The following STK32B variants were observed in gnomAD, a reference collection of about 807,000 sequenced individuals.
STK32B encodes serine/threonine-protein kinase 32B.
Under a neutral mutation model 52.6 loss-of-function variants are expected in STK32B, and 43 were observed. That is an observed-to-expected ratio of 0.82 (90% CI 0.64 to 1.05). STK32B has a LOEUF of 1.05. STK32B is among the 50% of genes least tolerant of loss of function. STK32B has a pLI of 0.00. For missense variants in STK32B, 621 were observed against 534.6 expected (o/e 1.16, Z -1.59); for synonymous variants, 238 against 204.3 (o/e 1.17, Z -1.41).
intron 3 of STK32B, among the ~76,000 whole-genome samples, chr4:5,238,458 C>G (rs914167277): frequency 6.6e-6 from 1 of 152,224 alleles, no homozygotes; most frequent in South Asian, 2.1e-4. Context: ...AGATCCTTAA[C>G]TTAATTCCAT....
chr4:5,402,024 C>G (rs1391347360), intron 5 of STK32B, among the ~76,000 whole-genome samples: 1 of 152,234 alleles, frequency 6.6e-6, no homozygotes, highest in East Asian at 1.9e-4. Context: ...TGACTCAGCC[C>G]TGCTCCTTGA....
chr4:5,446,526 C>T, intron 6 of STK32B, 147 bp from the exon 7 acceptor site: 1 of 636,716 alleles, frequency 1.6e-6, no homozygotes, highest in Non-Finnish European at 2.7e-6. Context: ...CATTATGTGC[C>T]AGCCTGGGCA....
At chr4:5,117,373 T>C (rs999550293) in intron 1 of STK32B, among the ~76,000 whole-genome samples, 4 of 151,446 alleles carry the variant, frequency 2.6e-5, no homozygotes, top group Non-Finnish European at 5.9e-5. Context: ...AAATGCTTTT[T>C]CTGCATCTGT....
At chr4:5,113,733 C>T (rs936097498) in intron 1 of STK32B, among the ~76,000 whole-genome samples, 23 of 152,144 alleles carry the variant, frequency 1.5e-4, no homozygotes, top group African/African-American at 5.6e-4. Flanking sequence ...CCTACCTGTA[C>T]TAGTCTATTT....
At chr4:5,181,202 C>T (rs969298774) in intron 3 of STK32B, among the ~76,000 whole-genome samples, 3 of 152,120 alleles carry the variant, frequency 2.0e-5, no homozygotes, top group Non-Finnish European at 4.4e-5. Flanking sequence ...AAACCCTAGC[C>T]CCCAATGTCA....
chr4:5,492,036 G>C (rs1486701033), intron 11 of STK32B, among the ~76,000 whole-genome samples: 1 of 151,962 alleles, frequency 6.6e-6, no homozygotes, highest in Non-Finnish European at 1.5e-5. Context: ...TTGTTCTTTT[G>C]GCTTAGGATT....
At chr4:5,279,466 G>T (rs1425793856) in intron 3 of STK32B, among the ~76,000 whole-genome samples, 1 of 152,192 alleles carries the variant, frequency 6.6e-6, no homozygotes, top group African/African-American at 2.4e-5. Flanking sequence ...CTGTGGCTAT[G>T]GAGGGTACAA....
intron 1 of STK32B, among the ~76,000 whole-genome samples, chr4:5,080,079 G>A (rs1712324371): frequency 7.9e-6 from 1 of 127,008 alleles, no homozygotes; most frequent in African/African-American, 2.8e-5. Context: ...GTGTATTGTA[G>A]CCAGGTCTCA....
At position 5,482,740 on chromosome 4, in the gene STK32B, T is replaced by G. The variant is rs549881412; in HGVS notation, c.1106+14670T>G. 4.2e-3 allele frequency among the ~76,000 whole-genome samples: 634 copies of G among 152,326 alleles called. 15 individuals carry two copies. The highest frequency in any genetic ancestry group is 0.027 in the Middle Eastern group (8 of 294). ...CTGTGGGTTTGTCATAGATAGCTCT[T>G]ATTATTTTGAGATATGTCCCATCAA... On this transcript the variant is annotated intron_variant, in intron 11 of 11. Transcript: ENST00000282908.
chr4:5,342,952 C>A (rs1052817463), intron 4 of STK32B, among the ~76,000 whole-genome samples: 3 of 152,046 alleles, frequency 2.0e-5, no homozygotes, highest in Non-Finnish European at 4.4e-5. Context: ...ACCAAATATT[C>A]TTTTTTCTTT....
rs747981829 is a variant in STK32B at position 5,331,285 on chromosome 4, G to A, written c.326G>A (p.Arg109His). ...GACCTGCTCCTGGGAGGCGACCTGC[G>A]CTACCATCTGCAGCAGAATGTGCAT... Reference protein sequence around the residue: ...VVDLLLGGDLRYHLQQNVHFT... With the variant: ...VVDLLLGGDLHYHLQQNVHFT... The change falls in exon 4 of 12, where the codon CGC becomes CAC. Residue 109 changes from arginine to histidine, a missense_variant. By Grantham distance (29) the Arg-to-His change is conservative (BLOSUM62 0). Transcript: ENST00000282908. 1.1e-5 allele frequency: 17 copies of A among 1,613,858 alleles called. No homozygotes were observed. The highest frequency in any genetic ancestry group is 4.5e-5 in the East Asian group (2 of 44,868).
intron 6 of STK32B, among the ~76,000 whole-genome samples, chr4:5,430,463 C>T (rs60241119): frequency 0.04 from 6,145 of 152,256 alleles, 452 homozygotes; most frequent in African/African-American, 0.14. Context: ...CGTCTGTTAA[C>T]GCATGCTGTC....
In STK32B at chr4:5,254,180, T is replaced by C. The variant is rs60153531; in HGVS notation, c.261-77040T>C. ...TGTTTTTCTAGAATTTTTAAATTTA[T>C]CTATGTTTGCAAATTTATACCTCTT... On this transcript the variant is annotated intron_variant, in intron 3 of 11. Transcript: ENST00000282908. Among the ~76,000 whole-genome samples the C allele has an allele frequency of 3.9e-3, 591 of 152,334 alleles. 1 individual carries two copies. Among genetic ancestry groups the C allele is most frequent in the African/African-American group, 0.013 (534 of 41,580 alleles).
intron 4 of STK32B, among the ~76,000 whole-genome samples, chr4:5,350,937 A>G (rs1167024166): frequency 6.6e-6 from 1 of 152,096 alleles, no homozygotes; most frequent in Non-Finnish European, 1.5e-5. Flanking sequence ...ACATATATGC[A>G]CCCAATGGTG....
intron 3 of STK32B, among the ~76,000 whole-genome samples, chr4:5,276,596 A>T (rs1274721612): frequency 2.0e-5 from 3 of 152,116 alleles, no homozygotes; most frequent in Admixed American, 6.5e-5. Context: ...CTGAAAACAC[A>T]AGCAGATTCT....
intron 2 of STK32B, among the ~76,000 whole-genome samples, chr4:5,156,068 C>T (rs1043297226): frequency 2.6e-5 from 4 of 151,646 alleles, no homozygotes; most frequent in African/African-American, 9.7e-5. Flanking sequence ...TACACATATT[C>T]ATAGATACAC....
chr4:5,078,478 G>A (rs1368774840), intron 1 of STK32B, among the ~76,000 whole-genome samples: 2 of 152,210 alleles, frequency 1.3e-5, no homozygotes, highest in Non-Finnish European at 2.9e-5. Context: ...TTATTGTGAA[G>A]TTAATATGTG....
intron 3 of STK32B, among the ~76,000 whole-genome samples, chr4:5,188,068 C>T (rs754289505): frequency 2.1e-4 from 32 of 152,132 alleles, no homozygotes; most frequent in Admixed American, 2.0e-4. Flanking sequence ...TAAAGGAGAC[C>T]CCGTGCATGA....
intron 3 of STK32B, among the ~76,000 whole-genome samples, chr4:5,227,611 C>A (rs1723963823): frequency 6.6e-6 from 1 of 152,168 alleles, no homozygotes; most frequent in African/African-American, 2.4e-5. Context: ...CATTCCTATT[C>A]AGGTTTGCAG....
Sources: allele counts gnomAD v4.1 joint callset (sites outside exome capture counted in the v4.1 genomes callset), GRCh38; gene constraint gnomAD v4.1.1; transcripts MANE v1.5; gene names NCBI Gene and HGNC (gene_info 2026-07-23, HGNC 2026-07-21).